The following GTF2F2 variants were observed in gnomAD, a reference collection of about 807,000 sequenced individuals.
GTF2F2 encodes the protein general transcription factor IIF subunit 2.
In GTF2F2, 23 loss-of-function variants were observed where a neutral mutation model predicts 42.2. The observed-to-expected ratio is 0.55, with a 90% CI of 0.39 to 0.77. The LOEUF (loss-of-function observed/expected upper bound fraction) is 0.77. GTF2F2 is among the 30% of genes least tolerant of loss of function. The pLI is 0.00. For synonymous variants in GTF2F2, 105 were observed against 100.8 expected, an observed-to-expected ratio of 1.04 and a Z score of -0.25; for missense variants, 261 against 287.2, an observed-to-expected ratio of 0.91 and a Z score of 0.66.
chr13:45,246,466 T>C (rs978593417), intron 5 of GTF2F2, among the ~76,000 whole-genome samples: 1 of 152,202 alleles, frequency 6.6e-6, no homozygotes, highest in Non-Finnish European at 1.5e-5. Flanking sequence ...CTAAATTTGT[T>C]TAACTTGAGT....
intron 5 of GTF2F2, among the ~76,000 whole-genome samples, chr13:45,249,124 G>T (rs9595280): frequency 0.27 from 41,395 of 152,086 alleles, 6,506 homozygotes; most frequent in African/African-American, 0.41. Flanking sequence ...GTGATGAAAT[G>T]GAGTTGCCAG....
Position 45,258,489 on chromosome 13 carries a change from C to A in GTF2F2, c.486+5519C>A, listed in dbSNP as rs560765723. On this transcript the variant is annotated intron_variant, in intron 6 of 7. Transcript: ENST00000340473. ...AGCCTGCAGACCTCTTGCCACCCCA[C>A]CCTTACCACCAAGGCTAGAGTTGAA... Among the ~76,000 whole-genome samples the A allele has an allele frequency of 7.2e-5, 11 of 152,316 alleles. No homozygotes were observed. In the East Asian group the frequency reaches 1.2e-3, roughly 16 times the overall value.
chr13:45,268,287 A>G (rs1036691697), intron 7 of GTF2F2, among the ~76,000 whole-genome samples: 9 of 152,214 alleles, frequency 5.9e-5, no homozygotes, highest in Non-Finnish European at 1.3e-4. Flanking sequence ...ATATGTAACA[A>G]TAACCAATTT....
chr13:45,163,671 T>A (rs182483221), intron 4 of GTF2F2, among the ~76,000 whole-genome samples: 45 of 152,352 alleles, frequency 3.0e-4, no homozygotes, highest in Admixed American at 2.4e-3. Flanking sequence ...CCACTATTTT[T>A]AAAAACCTCA....
chr13:45,177,814 A>G (rs1011841187), intron 4 of GTF2F2, among the ~76,000 whole-genome samples: 3 of 152,194 alleles, frequency 2.0e-5, no homozygotes, highest in African/African-American at 4.8e-5. Flanking sequence ...AAGAAGGAAA[A>G]AGTCCACAGT....
At chr13:45,211,856 G>T (rs561284712) in intron 5 of GTF2F2, among the ~76,000 whole-genome samples, 4 of 152,228 alleles carry the variant, frequency 2.6e-5, no homozygotes, top group African/African-American at 7.2e-5. Context: ...AAAGTGCTGG[G>T]ATTACAGGCG....
At chr13:45,274,323 C>CTTTTTTTTTTTTTTTT in intron 7 of GTF2F2, among the ~76,000 whole-genome samples, 1 of 102,430 alleles carries the variant, frequency 9.8e-6, no homozygotes, top group Non-Finnish European at 1.9e-5. Context: ...ACAAATTATA[C>CTTTTTTTTTTTTTTTT]TTTTTTTTTT....
At chr13:45,213,044 T>TTTTATTTA (rs557204553) in intron 5 of GTF2F2, among the ~76,000 whole-genome samples, 28 of 151,312 alleles carry the variant, frequency 1.9e-4, no homozygotes, top group Admixed American at 1.1e-3. Flanking sequence ...GCCCGGCTAA[T>TTTTATTTA]TTTATTTATT....
intron 4 of GTF2F2, among the ~76,000 whole-genome samples, chr13:45,173,510 G>A (rs977113594): frequency 3.3e-5 from 5 of 151,290 alleles, no homozygotes; most frequent in East Asian, 1.9e-4. Flanking sequence ...CTTTGTAACC[G>A]TGCCACCTTC....
In GTF2F2 at chr13:45,136,761, C is replaced by T; in HGVS notation, c.95C>T (p.Ala32Val). 2.5e-6 allele frequency: 4 copies of T among 1,599,114 alleles called. No homozygotes were observed. Among genetic ancestry groups the T allele is most frequent in the Non-Finnish European group, 3.4e-6 (4 of 1,167,070 alleles). The change falls in exon 2 of 8, where the codon GCT (alanine) becomes GTT (valine). Residue 32 changes from alanine (A) to valine (V), a missense_variant. Transcript: ENST00000340473. ...KVPKYLSQQW[A>V]KASGRGEVGK... ...CCTAAATATTTGTCACAGCAATGGG[C>T]TAAAGCCTCTGGAAGAGGTGAAGTT...
intron 1 of GTF2F2, among the ~76,000 whole-genome samples, chr13:45,125,753 T>A (rs1184580523): frequency 1.3e-5 from 2 of 152,156 alleles, no homozygotes; most frequent in Non-Finnish European, 2.9e-5. Flanking sequence ...ATGCTGCATG[T>A]CATAGATTGG....
rs115982798 is a variant in GTF2F2, at chr13:45,133,886, C to T, written c.67-2847C>T. 6.0e-3 allele frequency among the ~76,000 whole-genome samples: 919 copies of T among 152,292 alleles called. 7 individuals are homozygous for T. Among genetic ancestry groups the T allele is most frequent in the South Asian group, 0.024 (115 of 4,824 alleles). ...TCTTTGGATGTTAAGTCCGCTGGGTCTGAGTGCACTCATTAAAGATATCCT... is the reference window on the plus strand; with the variant it reads ...TCTTTGGATGTTAAGTCCGCTGGGTTTGAGTGCACTCATTAAAGATATCCT... On this transcript the variant is annotated intron_variant, in intron 1 of 7. Transcript: ENST00000340473.
At chr13:45,236,864 A>G (rs1223274568) in intron 5 of GTF2F2, among the ~76,000 whole-genome samples, 1 of 152,214 alleles carries the variant, frequency 6.6e-6, no homozygotes, top group East Asian at 1.9e-4. Flanking sequence ...TGTGAAGAAA[A>G]TTATATAACC....
chr13:45,177,196 T>C (rs1433988015), intron 4 of GTF2F2, among the ~76,000 whole-genome samples: 1 of 152,162 alleles, frequency 6.6e-6, no homozygotes, highest in African/African-American at 2.4e-5. Flanking sequence ...TTTTTCTCAC[T>C]GTTCTACAAT....
At chr13:45,150,664 C>T (rs868441424) in intron 3 of GTF2F2, among the ~76,000 whole-genome samples, 18 of 122,444 alleles carry the variant, frequency 1.5e-4, no homozygotes, top group African/African-American at 3.7e-4. Context: ...AAAAAATCAT[C>T]TTTTTTTTTT....
At chr13:45,233,651 C>T (rs1309405887) in intron 5 of GTF2F2, among the ~76,000 whole-genome samples, 1 of 152,166 alleles carries the variant, frequency 6.6e-6, no homozygotes, top group East Asian at 1.9e-4. Flanking sequence ...TGGTGGCCCA[C>T]ACCTATAATC....
chr13:45,270,934 C>G (rs1876761616), intron 7 of GTF2F2, among the ~76,000 whole-genome samples: 1 of 152,298 alleles, frequency 6.6e-6, no homozygotes, highest in South Asian at 2.1e-4. Context: ...TGTTTTCTAT[C>G]TAACAGCGTT....
chr13:45,238,108 T>C (rs1875084183), intron 5 of GTF2F2, among the ~76,000 whole-genome samples: 2 of 152,094 alleles, frequency 1.3e-5, no homozygotes, highest in Admixed American at 1.3e-4. Context: ...TGCACACCGC[T>C]GCACTCGGCT....
chr13:45,149,269 T>C (rs1013624468), intron 2 of GTF2F2, among the ~76,000 whole-genome samples: 7 of 143,214 alleles, frequency 4.9e-5, no homozygotes, highest in African/African-American at 1.8e-4. Context: ...ACCTTGTCTC[T>C]ACAAAAAAAA....
Sources: allele counts gnomAD v4.1 joint callset (sites outside exome capture counted in the v4.1 genomes callset), GRCh38; gene constraint gnomAD v4.1.1; transcripts MANE v1.5; gene names NCBI Gene and HGNC (gene_info 2026-07-23, HGNC 2026-07-21).